Variants in ITGB3BP observed in about 807,000 individuals in gnomAD.
ITGB3BP encodes the protein integrin subunit beta 3 binding protein.
ITGB3BP carries 27 observed loss-of-function variants against 29.1 expected under a neutral mutation model. That is an observed-to-expected ratio of 0.93 (90% confidence interval 0.68 to 1.28). The LOEUF is 1.28. Ranked by LOEUF, ITGB3BP falls within the 50% of genes most tolerant of loss-of-function variation. The pLI, the probability that ITGB3BP is intolerant of heterozygous loss-of-function variation, is 0.00. For synonymous variants in ITGB3BP, 61 were observed against 61.4 expected, an observed-to-expected ratio of 0.99 and a Z score of 0.03; for missense variants, 192 against 200.2, an observed-to-expected ratio of 0.96 and a Z score of 0.25.
intron 1 of ITGB3BP, among the ~76,000 whole-genome samples, chr1:63,520,680 A>G (rs768391778): frequency 3.3e-5 from 5 of 152,226 alleles, no homozygotes; most frequent in Non-Finnish European, 5.9e-5. Flanking sequence ...GTTATAAAAC[A>G]TTAGAAAATA....
intron 2 of ITGB3BP, among the ~76,000 whole-genome samples, chr1:63,492,986 C>T (rs903303332): frequency 6.6e-6 from 1 of 151,982 alleles, no homozygotes; most frequent in South Asian, 2.1e-4. Flanking sequence ...TGGTGCATGC[C>T]TGTGGTCCCA....
upstream of ITGB3BP, among the ~76,000 whole-genome samples, chr1:63,526,346 T>G (rs1646589590): frequency 1.3e-5 from 2 of 152,178 alleles, no homozygotes; most frequent in South Asian, 4.1e-4. Context: ...TTGGACATCT[T>G]TAGTCATGAG....
chr1:63,473,379 C>T (rs1399204607), intron 4 of ITGB3BP, among the ~76,000 whole-genome samples: 6 of 147,840 alleles, frequency 4.1e-5, no homozygotes, highest in Non-Finnish European at 9.0e-5. Context: ...CCAGCCGCCC[C>T]GTCCGGGAGG....
intron 4 of ITGB3BP, among the ~76,000 whole-genome samples, chr1:63,478,216 A>G (rs1645374819): frequency 6.6e-6 from 1 of 152,232 alleles, no homozygotes; most frequent in East Asian, 1.9e-4. Flanking sequence ...GGTTGAATCC[A>G]CAAATGTGTA....
intron 4 of ITGB3BP, among the ~76,000 whole-genome samples, chr1:63,473,313 G>T (rs371596181): frequency 1.3e-5 from 2 of 151,732 alleles, no homozygotes; most frequent in Non-Finnish European, 2.9e-5. Flanking sequence ...GAGCGTCTCC[G>T]CCCGGCAGCC....
chr1:63,518,135 C>T (rs1464958964), intron 1 of ITGB3BP, among the ~76,000 whole-genome samples: 1 of 152,138 alleles, frequency 6.6e-6, no homozygotes, highest in Non-Finnish European at 1.5e-5. Flanking sequence ...GTTTTCGATA[C>T]TAAATATATT....
chr1:63,489,895 T>G (rs1407063677), intron 3 of ITGB3BP, among the ~76,000 whole-genome samples, 188 bp downstream of exon 3: 3 of 152,110 alleles, frequency 2.0e-5, no homozygotes, highest in Admixed American at 1.3e-4. Context: ...AAGCCTGCAG[T>G]TGCATTTTAA....
rs1644806373 is a variant in ITGB3BP at position 63,447,734 on chromosome 1, C to T, written c.485-878G>A. ...GAACACTTTTACACTGTTGGTGGGA[C>T]TGTAAACTAGTTCAACCATTGTGGA... On this transcript the variant is annotated intron_variant, in intron 7 of 8. Transcript: ENST00000271002. 1.7e-5 allele frequency: 7 copies of T among 421,388 alleles called. 1 individual carries two copies. The highest frequency in any genetic ancestry group is 8.4e-5 in the South Asian group (5 of 59,412). The allele number at this position is 421,388 out of a possible 1,614,324, so 26.1% of individuals were successfully genotyped here.
intron 4 of ITGB3BP, among the ~76,000 whole-genome samples, chr1:63,472,730 G>C (rs1406858010): frequency 2.6e-5 from 4 of 151,614 alleles, no homozygotes; most frequent in Non-Finnish European, 1.5e-5. Flanking sequence ...GCCAGCCTCG[G>C]CCTCCCGAGG....
chr1:63,522,988 G>A, intron 1 of ITGB3BP, 141 bp downstream of exon 1: 1 of 945,674 alleles, frequency 1.1e-6, no homozygotes, highest in Non-Finnish European at 1.8e-6. Context: ...GGTACCAAGC[G>A]AAGGGAATTG....
In ITGB3BP at chr1:63,452,647, T is replaced by TTTA. The variant is rs1553159128; in HGVS notation, c.484+1270_484+1271insTAA. On this transcript the variant is annotated intron_variant, in intron 7 of 8. Coordinates refer to ENST00000271002, the MANE Select transcript of ITGB3BP (RefSeq NM_014288.5). ...TTCTTTTCTTTCTTTTTTTTTTTTT[T>TTTA]AAAAGATCCCAAGCCACATCCAAGA... is the stretch of plus-strand genomic sequence containing the variant. Among the ~76,000 whole-genome samples, 54 of 150,436 alleles carry TTTA rather than the reference T, an allele frequency of 3.6e-4. 2 individuals are homozygous for TTTA. Among genetic ancestry groups the TTTA allele is most frequent in the East Asian group, 1.9e-3 (10 of 5,142 alleles).
rs533081656 is a variant in ITGB3BP at position 63,475,351 on chromosome 1, T to C, written c.254+3413A>G. Reference sequence around the variant, plus strand: ...CAAGAGGATCGCTTTAGCCCAGGAGTGCAAGTTCAGCCTGGGCAACATGGC... The same window carrying C: ...CAAGAGGATCGCTTTAGCCCAGGAGCGCAAGTTCAGCCTGGGCAACATGGC... On this transcript the variant is annotated intron_variant, in intron 4 of 8. Coordinates refer to ENST00000271002, the MANE Select transcript of ITGB3BP (RefSeq NM_014288.5). Among the ~76,000 whole-genome samples the C allele has an allele frequency of 1.1e-4, 17 of 151,868 alleles. No homozygotes were observed. In the South Asian group the frequency reaches 3.5e-3, roughly 32 times the overall value.
intron 4 of ITGB3BP, among the ~76,000 whole-genome samples, chr1:63,461,523 T>C (rs918644793): frequency 6.6e-6 from 1 of 152,236 alleles, no homozygotes; most frequent in African/African-American, 2.4e-5. Flanking sequence ...TGTTGTTATA[T>C]AAGAATCTAT....
intron 1 of ITGB3BP, among the ~76,000 whole-genome samples, chr1:63,509,107 C>T (rs1426218837): frequency 1.3e-5 from 2 of 152,128 alleles, no homozygotes; most frequent in Non-Finnish European, 2.9e-5. Flanking sequence ...TGCTCTATGT[C>T]TTTATAAGTC....
chr1:63,472,928 G>C (rs1308513439), intron 4 of ITGB3BP, among the ~76,000 whole-genome samples: 2 of 151,356 alleles, frequency 1.3e-5, no homozygotes, highest in African/African-American at 2.4e-5. Context: ...GTCTCTGCCT[G>C]GCCGCCCATC....
intron 1 of ITGB3BP, among the ~76,000 whole-genome samples, chr1:63,512,620 C>A (rs1255348568): frequency 6.6e-6 from 1 of 152,138 alleles, no homozygotes; most frequent in East Asian, 1.9e-4. Flanking sequence ...ATGCCAAATT[C>A]TTCCCTAAGG....
At chr1:63,468,987 G>A (rs1302609594) in intron 4 of ITGB3BP, among the ~76,000 whole-genome samples, 1 of 151,896 alleles carries the variant, frequency 6.6e-6, no homozygotes, top group Non-Finnish European at 1.5e-5. Flanking sequence ...GGAGGTGGAG[G>A]TTGCAGTGAA....
At chr1:63,449,330 A>G (rs886966756) in intron 7 of ITGB3BP, 4 of 152,456 alleles carry the variant, frequency 2.6e-5, no homozygotes, top group Non-Finnish European at 4.4e-5. Context: ...TTAAACACCT[A>G]ATTGCTATTA....
At chr1:63,503,597 T>C (rs953989275) in intron 2 of ITGB3BP, among the ~76,000 whole-genome samples, 1 of 152,196 alleles carries the variant, frequency 6.6e-6, no homozygotes, top group African/African-American at 2.4e-5. Context: ...CATGCCTATG[T>C]CCTGAATGGT....
Sources: allele counts gnomAD v4.1 joint callset (sites outside exome capture counted in the v4.1 genomes callset), GRCh38; gene constraint gnomAD v4.1.1; transcripts MANE v1.5; gene names NCBI Gene and HGNC (gene_info 2026-07-23, HGNC 2026-07-21).